Variants in CAMK4 observed in about 807,000 individuals in gnomAD.
CAMK4 encodes calcium/calmodulin dependent protein kinase IV.
In CAMK4, 22 loss-of-function variants were observed where a neutral mutation model predicts 44.9. That is an observed-to-expected ratio of 0.49 (90% CI 0.35 to 0.70). CAMK4 has a LOEUF of 0.70. Among genes scored for constraint, CAMK4 ranks in the 30% least tolerant of loss-of-function variants. The pLI is 0.01. For missense variants in CAMK4, 498 were observed against 586.8 expected (o/e 0.85, Z 1.56); for synonymous variants, 218 against 215.4 (o/e 1.01, Z -0.11).
At chr5:111,468,802 A>T (rs1580794346) in intron 7 of CAMK4, among the ~76,000 whole-genome samples, 1 of 152,118 alleles carries the variant, frequency 6.6e-6, no homozygotes, top group Non-Finnish European at 1.5e-5. Context: ...ACATGGTGAA[A>T]CCCCATCTCT....
At chr5:111,382,749 A>T (rs1444829153) in intron 4 of CAMK4, among the ~76,000 whole-genome samples, 1 of 152,168 alleles carries the variant, frequency 6.6e-6, no homozygotes, top group African/African-American at 2.4e-5. Context: ...ATTAAATAAG[A>T]TTGGACTCAA....
intron 1 of CAMK4, among the ~76,000 whole-genome samples, chr5:111,272,129 G>A (rs1022634763): frequency 6.6e-6 from 1 of 151,650 alleles, no homozygotes; most frequent in African/African-American, 2.4e-5. Context: ...TTGTGTGTGT[G>A]TGTGTGGTTA....
intron 6 of CAMK4, 24 bp from the exon 7 acceptor site, chr5:111,449,105 T>G: frequency 1.8e-6 from 2 of 1,083,310 alleles, no homozygotes; most frequent in Non-Finnish European, 2.8e-6. Flanking sequence ...CGTGCTTCAT[T>G]AAATTTTTTT....
chr5:111,438,244 C>G (rs992676169), intron 5 of CAMK4, among the ~76,000 whole-genome samples: 1 of 152,094 alleles, frequency 6.6e-6, no homozygotes, highest in Admixed American at 6.6e-5. Context: ...TGAGACAAGG[C>G]AGTTGGATAA....
chr5:111,461,476 A>G (rs1215942365), intron 7 of CAMK4, among the ~76,000 whole-genome samples: 1 of 152,218 alleles, frequency 6.6e-6, no homozygotes, highest in East Asian at 1.9e-4. Context: ...TGTAGATGAC[A>G]GCTAAACAAA....
intron 1 of CAMK4, among the ~76,000 whole-genome samples, chr5:111,321,276 G>C (rs1235573655): frequency 6.6e-6 from 1 of 152,138 alleles, no homozygotes; most frequent in Non-Finnish European, 1.5e-5. Flanking sequence ...GAAGGAGTTA[G>C]TGTTGCTGTA....
At chr5:111,293,742 CTTTTTT>C (rs35117453) in intron 1 of CAMK4, among the ~76,000 whole-genome samples, 1 of 83,520 alleles carries the variant, frequency 1.2e-5, no homozygotes. Flanking sequence ...TGCTGCTCTA[CTTTTTT>C]TTTTTTTTTT....
At chr5:111,379,458 G>T (rs920693410) in intron 4 of CAMK4, among the ~76,000 whole-genome samples, 2 of 152,120 alleles carry the variant, frequency 1.3e-5, no homozygotes, top group Non-Finnish European at 2.9e-5. Flanking sequence ...ACTCTTAGTG[G>T]TTTTAAAAGA....
Position 111,250,859 on chromosome 5 carries a change from T to C in CAMK4, c.161+26215T>C, listed in dbSNP as rs73786853. Among the ~76,000 whole-genome samples the C allele has an allele frequency of 7.8e-3, 1,195 of 152,236 alleles. 16 individuals are homozygous for C. Among genetic ancestry groups the C allele is most frequent in the African/African-American group, 0.027 (1,142 of 41,538 alleles). On this transcript the variant is annotated intron_variant, in intron 1 of 10. Transcript: ENST00000282356. The stretch of plus-strand genomic sequence containing the variant: ...GAATCTCCCTGTGTTGCCAGGGTGG[T>C]CTTGAACTCCTGGCCTCAAGCCACC...
At chr5:111,408,170 G>T (rs1464282582) in intron 5 of CAMK4, among the ~76,000 whole-genome samples, 1 of 152,130 alleles carries the variant, frequency 6.6e-6, no homozygotes, top group Non-Finnish European at 1.5e-5. Flanking sequence ...AATGTCTCAT[G>T]ACTTAAAGGT....
intron 1 of CAMK4, among the ~76,000 whole-genome samples, chr5:111,273,576 A>G (rs1466862191): frequency 6.7e-6 from 1 of 150,000 alleles, no homozygotes; most frequent in African/African-American, 2.4e-5. Flanking sequence ...GTATAGATTT[A>G]CCAAAATTCC....
intron 4 of CAMK4, among the ~76,000 whole-genome samples, chr5:111,392,586 G>GA (rs974488564): frequency 6.6e-6 from 1 of 151,108 alleles, no homozygotes; most frequent in Non-Finnish European, 1.5e-5. Flanking sequence ...CTCCTAAATG[G>GA]AAAAAAAATT....
chr5:111,250,818 A>G (rs1266608995), intron 1 of CAMK4, among the ~76,000 whole-genome samples: 1 of 152,116 alleles, frequency 6.6e-6, no homozygotes, highest in East Asian at 1.9e-4. Context: ...ATTTTAAAAA[A>G]GTTTATGTAG....
rs1389107351 is a variant in CAMK4 at position 111,443,265 on chromosome 5, TATATATATATATATACACAC to T, written c.460-3419_460-3400del. ...TACCATATATATATATATATATATA[TATATATATATATATACACAC>T]ACACACACACACACACACACACACA... On this transcript the variant is annotated intron_variant, in intron 5 of 10. Transcript: ENST00000282356. Among the ~76,000 whole-genome samples the T allele has an allele frequency of 7.0e-3, 345 of 49,048 alleles. 3 individuals are homozygous for T. Among genetic ancestry groups the T allele is most frequent in the African/African-American group, 0.023 (326 of 14,374 alleles). 32.2% of individuals were successfully genotyped at this position (49,048 alleles called of 152,430 possible). A position where few individuals can be genotyped will look rare whatever the true frequency, so the allele number is the denominator to read the frequency against.
At chr5:111,387,067 T>G (rs1751630737) in intron 4 of CAMK4, among the ~76,000 whole-genome samples, 1 of 152,250 alleles carries the variant, frequency 6.6e-6, no homozygotes, top group Non-Finnish European at 1.5e-5. Context: ...TGGTAGCATC[T>G]TAACTGCTTC....
intron 4 of CAMK4, among the ~76,000 whole-genome samples, chr5:111,377,414 C>G (rs1008868639): frequency 6.6e-6 from 1 of 150,498 alleles, no homozygotes; most frequent in African/African-American, 2.4e-5. Context: ...GTAAAGAGTT[C>G]CATGTTGCAA....
At chr5:111,295,173 C>G (rs1747432081) in intron 1 of CAMK4, among the ~76,000 whole-genome samples, 1 of 152,176 alleles carries the variant, frequency 6.6e-6, no homozygotes. Flanking sequence ...TCCCCTTTAT[C>G]TCCTATTTAA....
chr5:111,295,534 A>T (rs1747446210), intron 1 of CAMK4, among the ~76,000 whole-genome samples: 1 of 152,226 alleles, frequency 6.6e-6, no homozygotes, highest in South Asian at 2.1e-4. Flanking sequence ...AGTGAGCAAG[A>T]TGAGCTCAAC....
chr5:111,242,734 A>G (rs1159879775), intron 1 of CAMK4, among the ~76,000 whole-genome samples: 1 of 152,128 alleles, frequency 6.6e-6, no homozygotes, highest in Admixed American at 6.5e-5. Flanking sequence ...CCTGGGCTCC[A>G]GCCCTACAGC....
Sources: gnomAD v4.1 joint callset for allele counts (sites outside exome capture counted in the v4.1 genomes callset) on GRCh38, gnomAD v4.1.1 for gene constraint, MANE v1.5 for transcripts, NCBI Gene and HGNC (gene_info 2026-07-23, HGNC 2026-07-21) for gene names.